SPOCK3: variants seen among roughly 807,000 people sequenced by gnomAD.
SPOCK3 encodes SPARC (osteonectin), cwcv and kazal like domains proteoglycan 3.
Under a neutral mutation model 56.6 loss-of-function variants are expected in SPOCK3, and 30 were observed. The observed-to-expected ratio is 0.53, with a 90% CI of 0.40 to 0.72. The LOEUF is 0.72. Among genes scored for constraint, SPOCK3 ranks in the 30% least tolerant of loss-of-function variants. The probability of loss-of-function intolerance (pLI) is 0.00; values close to 1 mark genes in which losing one functional copy is unlikely to be tolerated. For missense variants in SPOCK3, 527 were observed against 530.0 expected (o/e 0.99, Z 0.06); for synonymous variants, 196 against 183.3 (o/e 1.07, Z -0.56).
chr4:166,794,963 GCAGGTATACTA>G (rs1741769242), intron 6 of SPOCK3, among the ~76,000 whole-genome samples: 1 of 152,040 alleles, frequency 6.6e-6, no homozygotes, highest in Admixed American at 6.6e-5. Context: ...AATGTATCGT[GCAGGTATACTA>G]CATGTATACA....
At position 167,220,142 on chromosome 4, in the gene SPOCK3, T is replaced by C. The variant is rs376515816; in HGVS notation, c.189+13843A>G. Among the ~76,000 whole-genome samples, 33 of 152,284 alleles carry C rather than the reference T, an allele frequency of 2.2e-4. No homozygotes were observed. In the South Asian group the frequency reaches 6.4e-3, roughly 30 times the overall value. The stretch of plus-strand genomic sequence containing the variant: ...TACATTTATGTTGTATTACAAATGA[T>C]ATGTATGTTGATTACGTATGATAGT... On this transcript the variant is annotated intron_variant, in intron 2 of 10. Coordinates refer to ENST00000357545, the MANE Select transcript of SPOCK3 (RefSeq NM_001040159.2).
intron 3 of SPOCK3, among the ~76,000 whole-genome samples, chr4:167,017,244 T>C (rs1475630436): frequency 1.3e-5 from 2 of 152,082 alleles, no homozygotes; most frequent in Non-Finnish European, 2.9e-5. Flanking sequence ...TGTTACCATT[T>C]GTACAGTAAC....
intron 2 of SPOCK3, among the ~76,000 whole-genome samples, chr4:167,118,817 T>C (rs1051963266): frequency 2.0e-5 from 3 of 152,216 alleles, no homozygotes; most frequent in Admixed American, 6.5e-5. Flanking sequence ...TTTGTTACTT[T>C]CTTCCTAAAT....
chr4:167,036,787 T>C (rs942085325), intron 3 of SPOCK3, among the ~76,000 whole-genome samples: 1 of 151,982 alleles, frequency 6.6e-6, no homozygotes, highest in African/African-American at 2.4e-5. Flanking sequence ...TAGGTTTTTA[T>C]GGTTTATTTT....
chr4:166,936,866 G>A (rs939548317), intron 4 of SPOCK3, among the ~76,000 whole-genome samples: 2 of 151,732 alleles, frequency 1.3e-5, no homozygotes, highest in Non-Finnish European at 2.9e-5. Flanking sequence ...TCACTAACAC[G>A]AATTTATCTA....
rs559831496 is a variant in SPOCK3, at chr4:166,986,088, T to G, written c.350+14261A>C. Among the ~76,000 whole-genome samples, 16 of 152,338 alleles carry G rather than the reference T, an allele frequency of 1.1e-4. No homozygotes were observed. In the South Asian group the frequency reaches 3.3e-3, roughly 32 times the overall value. ...ACAATACTATCATTTCAATAGATCTTCATGTTTAAAAAACAAAGTAAAATG... is the reference window on the plus strand; with the variant it reads ...ACAATACTATCATTTCAATAGATCTGCATGTTTAAAAAACAAAGTAAAATG... On this transcript the variant is annotated intron_variant, in intron 4 of 10. Coordinates refer to ENST00000357545, the MANE Select transcript of SPOCK3 (RefSeq NM_001040159.2).
intron 2 of SPOCK3, among the ~76,000 whole-genome samples, chr4:167,141,268 G>A (rs1346534946): frequency 1.3e-5 from 2 of 151,964 alleles, no homozygotes; most frequent in Non-Finnish European, 1.5e-5. Flanking sequence ...AAAAGGTTTT[G>A]GACCTCAGCC....
intron 6 of SPOCK3, among the ~76,000 whole-genome samples, chr4:166,879,416 G>T (rs560452929): frequency 2.2e-4 from 34 of 152,128 alleles, no homozygotes; most frequent in African/African-American, 7.7e-4. Flanking sequence ...TGCACTTATA[G>T]TTCTAGCTAC....
intron 3 of SPOCK3, among the ~76,000 whole-genome samples, chr4:167,005,295 T>C (rs1412974454): frequency 1.3e-5 from 2 of 151,990 alleles, no homozygotes; most frequent in Non-Finnish European, 2.9e-5. Flanking sequence ...CTGCAAGCTC[T>C]GCCTCCCGGG....
intron 4 of SPOCK3, among the ~76,000 whole-genome samples, chr4:166,991,497 G>A (rs1263403134): frequency 6.6e-6 from 1 of 151,848 alleles, no homozygotes; most frequent in Non-Finnish European, 1.5e-5. Context: ...AGCCTCCTGA[G>A]CAGCTGGGAT....
chr4:167,041,679 C>T (rs1753246914), intron 3 of SPOCK3, among the ~76,000 whole-genome samples: 2 of 152,094 alleles, frequency 1.3e-5, no homozygotes, highest in South Asian at 4.1e-4. Flanking sequence ...CTCGGCTTTG[C>T]TATTCTATTA....
chr4:167,192,565 T>G (rs1315037072), intron 2 of SPOCK3, among the ~76,000 whole-genome samples: 1 of 145,868 alleles, frequency 6.9e-6, no homozygotes, highest in Non-Finnish European at 1.5e-5. Flanking sequence ...AAAACGCTCT[T>G]ACCTTTACCA....
At position 166,734,771 on chromosome 4, in the gene SPOCK3, A is replaced by C. The variant is rs530199300; in HGVS notation, c.*150T>G. The C allele has an allele frequency of 7.4e-6, 5 of 676,724 alleles. No individual in the cohort carries two copies. Among genetic ancestry groups the C allele is most frequent in the Non-Finnish European group, 1.2e-5 (5 of 424,990 alleles). The allele number at this position is 676,724 out of a possible 1,614,324, so 41.9% of individuals were successfully genotyped here. ...GATTCTTATTTAAACATAAAGTTCT[A>C]TAACTTTAGCTGCAATTTTTCAAAT... is the stretch of plus-strand genomic sequence containing the variant. On this transcript the variant is annotated 3_prime_UTR_variant, in exon 11 of 11. Transcript: ENST00000357545.
intron 8 of SPOCK3, among the ~76,000 whole-genome samples, chr4:166,752,763 G>T (rs143030079): frequency 6.6e-6 from 1 of 151,786 alleles, no homozygotes; most frequent in South Asian, 2.1e-4. Flanking sequence ...AAGTTGTATC[G>T]TATCACTAGC....
At chr4:166,914,597 C>T (rs1737644588) in intron 4 of SPOCK3, among the ~76,000 whole-genome samples, 1 of 152,002 alleles carries the variant, frequency 6.6e-6, no homozygotes, top group African/African-American at 2.4e-5. Flanking sequence ...ATGGAGAAAT[C>T]CCGTCTCTAC....
intron 2 of SPOCK3, among the ~76,000 whole-genome samples, chr4:167,080,693 G>A (rs1419576222): frequency 6.6e-6 from 1 of 151,800 alleles, no homozygotes; most frequent in Non-Finnish European, 1.5e-5. Flanking sequence ...AGATTTTGAT[G>A]GTAGTCATAC....
chr4:166,798,417 T>G (rs1742198889), intron 6 of SPOCK3, among the ~76,000 whole-genome samples: 1 of 152,138 alleles, frequency 6.6e-6, no homozygotes, highest in Non-Finnish European at 1.5e-5. Context: ...TCATGGAGAC[T>G]AAATGAAAAG....
intron 6 of SPOCK3, among the ~76,000 whole-genome samples, chr4:166,793,797 T>G (rs2126660484): frequency 6.6e-6 from 1 of 152,240 alleles, no homozygotes; most frequent in South Asian, 2.1e-4. Flanking sequence ...AACATAAAAA[T>G]TATTTCATAT....
rs568189392 is a variant in SPOCK3, at chr4:166,789,665, T to TC, written c.709+2504dup. 2.6e-3 allele frequency among the ~76,000 whole-genome samples: 397 copies of TC among 152,116 alleles called. 1 individual carries two copies. The highest frequency in any genetic ancestry group is 9.2e-3 in the African/African-American group (381 of 41,510). On this transcript the variant is annotated intron_variant, in intron 7 of 10. Transcript: ENST00000357545. ...TAAGTTGAAAACTGTGCTTTTTAGT[T>TC]CCCCCTATTTTTTAATGTTCAAATT...
Sources: gnomAD v4.1 joint callset for allele counts (sites outside exome capture counted in the v4.1 genomes callset) on GRCh38, gnomAD v4.1.1 for gene constraint, MANE v1.5 for transcripts, NCBI Gene and HGNC (gene_info 2026-07-23, HGNC 2026-07-21) for gene names.